Variants in COL21A1 observed in about 807,000 individuals in gnomAD.
COL21A1 encodes collagen type XXI alpha 1 chain, also known as collagen alpha-1(XXI) chain.
COL21A1 carries 149 observed loss-of-function variants against 137.9 expected under a neutral mutation model. The observed-to-expected ratio is 1.08, with a 90% CI of 0.95 to 1.24. COL21A1 has a LOEUF of 1.24. COL21A1 is among the 50% of genes most tolerant of loss of function. COL21A1 has a pLI of 0.00. For synonymous variants in COL21A1, 456 were observed against 391.5 expected (o/e 1.16, Z -1.95); for missense variants, 1,167 against 1,158.4 (o/e 1.01, Z -0.11).
At chr6:56,272,274 T>C (rs992099475) in intron 1 of COL21A1, among the ~76,000 whole-genome samples, 4 of 152,202 alleles carry the variant, frequency 2.6e-5, no homozygotes, top group Non-Finnish European at 4.4e-5. Flanking sequence ...CCTGGAGTCA[T>C]AGGAGATTAT....
chr6:56,173,937 G>A (rs1237664783), intron 3 of COL21A1, among the ~76,000 whole-genome samples: 3 of 152,204 alleles, frequency 2.0e-5, no homozygotes, highest in Admixed American at 6.5e-5. Flanking sequence ...CAGACCACAT[G>A]TTAAATCACA....
At chr6:56,170,890 G>A (rs770332393) in intron 4 of COL21A1, 25 bp from the exon 5 acceptor site, 4 of 1,600,904 alleles carry the variant, frequency 2.5e-6, no homozygotes, top group Admixed American at 1.7e-5. Context: ...GCAAGTGTAA[G>A]CTTAAAGAAT....
At chr6:56,061,084 A>G in intron 25 of COL21A1, 47 bp from the exon 26 acceptor site, 1 of 1,508,390 alleles carries the variant, frequency 6.6e-7, no homozygotes, top group Non-Finnish European at 8.9e-7. Flanking sequence ...ATATTTCAGG[A>G]GGTATAATTG....
intron 1 of COL21A1, among the ~76,000 whole-genome samples, chr6:56,190,674 C>T (rs749105186): frequency 3.9e-5 from 6 of 152,090 alleles, no homozygotes; most frequent in African/African-American, 1.2e-4. Flanking sequence ...TGATGAACAT[C>T]GACGCAAAAA....
intron 23 of COL21A1, among the ~76,000 whole-genome samples, 163 bp from the exon 24 acceptor site, chr6:56,064,785 G>A (rs370746904): frequency 5.9e-5 from 9 of 151,908 alleles, no homozygotes; most frequent in African/African-American, 1.4e-4. Context: ...GTTACTCAGC[G>A]AAAAAGAAGA....
At chr6:56,317,683 T>C (rs1341889840) in intron 1 of COL21A1, among the ~76,000 whole-genome samples, 1 of 152,066 alleles carries the variant, frequency 6.6e-6, no homozygotes, top group African/African-American at 2.4e-5. Context: ...ATTTTAAACA[T>C]ATCACCTTCT....
intron 1 of COL21A1, among the ~76,000 whole-genome samples, chr6:56,360,869 G>A (rs930219528): frequency 1.3e-5 from 2 of 152,194 alleles, no homozygotes; most frequent in African/African-American, 4.8e-5. Flanking sequence ...GGAGGCCAAG[G>A]TGGGCAGATC....
chr6:56,120,432 CT>C (rs1772357802), intron 16 of COL21A1, among the ~76,000 whole-genome samples: 1 of 152,174 alleles, frequency 6.6e-6, no homozygotes, highest in South Asian at 2.1e-4. Context: ...AAAGGGAACA[CT>C]TGTACACTGT....
intron 16 of COL21A1, among the ~76,000 whole-genome samples, chr6:56,109,247 C>T (rs569126986): frequency 7.3e-5 from 11 of 151,256 alleles, no homozygotes; most frequent in African/African-American, 2.7e-4. Context: ...AATCAAATTA[C>T]AATGTTGGAT....
chr6:56,310,560 AT>A (rs1433224082), intron 1 of COL21A1, among the ~76,000 whole-genome samples: 2 of 152,196 alleles, frequency 1.3e-5, no homozygotes, highest in African/African-American at 4.8e-5. Flanking sequence ...GTTGTATACC[AT>A]AGTATTTAAT....
intron 1 of COL21A1, among the ~76,000 whole-genome samples, chr6:56,351,321 G>A (rs9357912): frequency 0.36 from 54,287 of 152,116 alleles, 10,489 homozygotes; most frequent in East Asian, 0.72. Flanking sequence ...GGGGGTCCCC[G>A]TTGTGAAAAG....
intron 24 of COL21A1, among the ~76,000 whole-genome samples, chr6:56,063,701 T>A (rs1178795185): frequency 6.6e-6 from 1 of 152,084 alleles, no homozygotes; most frequent in Non-Finnish European, 1.5e-5. Flanking sequence ...CTCTTCCCAA[T>A]GGTCTCTCAG....
intron 1 of COL21A1, among the ~76,000 whole-genome samples, chr6:56,264,241 C>T (rs1448991361): frequency 6.6e-6 from 1 of 152,132 alleles, no homozygotes; most frequent in Admixed American, 6.5e-5. Context: ...CACGTCCATT[C>T]CCATTTGCAT....
chr6:56,206,689 A>AT (rs1779797789), intron 1 of COL21A1, among the ~76,000 whole-genome samples: 1 of 22,204 alleles, frequency 4.5e-5, no homozygotes, highest in Non-Finnish European at 9.2e-5. Flanking sequence ...AAAATAAATA[A>AT]ATAAATAAAT....
chr6:56,111,459 G>A (rs1771423921), intron 16 of COL21A1, among the ~76,000 whole-genome samples: 1 of 152,240 alleles, frequency 6.6e-6, no homozygotes, highest in Non-Finnish European at 1.5e-5. Flanking sequence ...TCTTAGTTTT[G>A]ACAAATATAC....
chr6:56,204,147 C>T (rs532877629), intron 1 of COL21A1, among the ~76,000 whole-genome samples: 2 of 152,142 alleles, frequency 1.3e-5, no homozygotes, highest in African/African-American at 4.8e-5. Flanking sequence ...CGTTCACTCC[C>T]CTGGAAAGGG....
chr6:56,331,177 C>G (rs1765214321), intron 1 of COL21A1, among the ~76,000 whole-genome samples: 1 of 150,818 alleles, frequency 6.6e-6, no homozygotes, highest in Admixed American at 6.7e-5. Flanking sequence ...TGTTTGAGTT[C>G]TTTGTAGATT....
In COL21A1 at chr6:56,165,029, G is replaced by A. The variant is rs542613607; in HGVS notation, c.1279-207C>T. On this transcript the variant is annotated intron_variant, in intron 7 of 29. Transcript: ENST00000244728. Reference sequence around the variant, plus strand: ...CATTCATATAGGAGAATACAGAAAGGATATATTTTTTTAAGGTGAGTAGAA... The same window carrying A: ...CATTCATATAGGAGAATACAGAAAGAATATATTTTTTTAAGGTGAGTAGAA... 3.6e-4 allele frequency among the ~76,000 whole-genome samples: 32 copies of A among 89,456 alleles called. No homozygotes were observed. The East Asian group carries it at 0.02, about 56-fold the overall frequency. The allele number at this position is 89,456 out of a possible 152,430, so 58.7% of individuals were successfully genotyped here. A position where few individuals can be genotyped will look rare whatever the true frequency, so the allele number is the denominator to read the frequency against.
rs371213504 is a variant in COL21A1 at position 56,290,144 on chromosome 6, T to A, written c.-39+103827A>T. 6.8e-4 allele frequency among the ~76,000 whole-genome samples: 104 copies of A among 152,116 alleles called. 2 individuals are homozygous for A. The South Asian group carries it at 0.021, about 30-fold the overall frequency. ...CCTCCCCTGTTGAGGTTAACAGAGGTTTGGCACAACAGAATGAATAAATAA... is the reference window on the plus strand; with the variant it reads ...CCTCCCCTGTTGAGGTTAACAGAGGATTGGCACAACAGAATGAATAAATAA... On this transcript the variant is annotated intron_variant, in intron 1 of 28. Coordinates refer to the COL21A1 transcript ENST00000370819.
Sources: gnomAD v4.1 joint callset for allele counts (sites outside exome capture counted in the v4.1 genomes callset) on GRCh38, gnomAD v4.1.1 for gene constraint, MANE v1.5 for transcripts, NCBI Gene and HGNC (gene_info 2026-07-23, HGNC 2026-07-21) for gene names.